The following ERG variants were observed in gnomAD, a reference collection of about 807,000 sequenced individuals.
The protein encoded by ERG is ETS transcription factor ERG.
ERG carries 9 observed loss-of-function variants against 55.3 expected under a neutral mutation model. The observed-to-expected ratio is 0.16, with a 90% CI of 0.10 to 0.28. The LOEUF (loss-of-function observed/expected upper bound fraction) is 0.28. Ranked by LOEUF, ERG falls within the 10% of genes least tolerant of loss-of-function variation. The probability of loss-of-function intolerance (pLI) is 1.00; values close to 1 mark genes in which losing one functional copy is unlikely to be tolerated. For synonymous variants in ERG, 223 were observed against 237.3 expected (o/e 0.94, Z 0.55); for missense variants, 434 against 631.6 (o/e 0.69, Z 3.35).
chr21:38,612,821 G>T (rs1303644701), intron 1 of ERG, among the ~76,000 whole-genome samples: 1 of 152,030 alleles, frequency 6.6e-6, no homozygotes, highest in Non-Finnish European at 1.5e-5. Context: ...CTGCCACCAT[G>T]CCTGGCTAAT....
intron 1 of ERG, among the ~76,000 whole-genome samples, chr21:38,646,279 TAA>T (rs397969203): frequency 1.6e-4 from 18 of 110,278 alleles, no homozygotes; most frequent in Admixed American, 2.8e-4. Flanking sequence ...AGTCTCTGTC[TAA>T]AAAAAAAAAA....
chr21:38,381,203 T>G lies in ERG; in HGVS notation c.*2200A>C. On this transcript the variant is annotated 3_prime_UTR_variant, in exon 10 of 10. Transcript: ENST00000288319. ...CTTCACATAATCATAGCAAAAGGACTGCAACGTGAAAAAAACAGGCCCTGA... is the reference window on the plus strand; with the variant it reads ...CTTCACATAATCATAGCAAAAGGACGGCAACGTGAAAAAAACAGGCCCTGA... 2 of 1,065,196 alleles carry G rather than the reference T, an allele frequency of 1.9e-6. No individual in the cohort carries two copies. Among genetic ancestry groups the G allele is most frequent in the South Asian group, 4.6e-5 (1 of 21,978 alleles). 66.0% of individuals were successfully genotyped at this position (1,065,196 alleles called of 1,614,324 possible). A position where few individuals can be genotyped will look rare whatever the true frequency, so the allele number is the denominator to read the frequency against.
chr21:38,478,777 C>A (rs529185601), intron 1 of ERG, among the ~76,000 whole-genome samples: 1 of 152,204 alleles, frequency 6.6e-6, no homozygotes, highest in African/African-American at 2.4e-5. Flanking sequence ...GTATAGGATG[C>A]CGTTTTATGA....
At chr21:38,622,757 CCA>C (rs1462939656) in intron 1 of ERG, among the ~76,000 whole-genome samples, 2 of 148,846 alleles carry the variant, frequency 1.3e-5, no homozygotes, top group East Asian at 2.0e-4. Context: ...CTCATACATA[CCA>C]CACACACCAC....
At chr21:38,546,126 G>T (rs908158991) in intron 2 of ERG, among the ~76,000 whole-genome samples, 1 of 152,072 alleles carries the variant, frequency 6.6e-6, no homozygotes, top group African/African-American at 2.4e-5. Context: ...TCATTGCCCT[G>T]GTCCATCTCC....
At chr21:38,468,902 G>A (rs3787901) in intron 1 of ERG, among the ~76,000 whole-genome samples, 2,703 of 149,534 alleles carry the variant, frequency 0.018, 38 homozygotes, top group East Asian at 0.077. Context: ...GGAGAATAGC[G>A]TGAACCCGGG....
intron 2 of ERG, among the ~76,000 whole-genome samples, chr21:38,429,971 C>T (rs1990130976): frequency 6.6e-6 from 1 of 152,150 alleles, no homozygotes; most frequent in Non-Finnish European, 1.5e-5. Flanking sequence ...GTACTAGTTC[C>T]ATAGTGGTTG....
upstream of ERG, among the ~76,000 whole-genome samples, chr21:38,585,532 C>CTTT (rs760791568): frequency 6.1e-4 from 36 of 59,278 alleles, 3 homozygotes; most frequent in East Asian, 1.3e-3. Flanking sequence ...TCTCTCTCTT[C>CTTT]TTTTTTTTTT....
intron 2 of ERG, among the ~76,000 whole-genome samples, chr21:38,516,517 A>C (rs2059553064): frequency 6.6e-6 from 1 of 152,094 alleles, no homozygotes; most frequent in African/African-American, 2.4e-5. Flanking sequence ...AAGAACTAAT[A>C]TCATTAAAAT....
intron 1 of ERG, among the ~76,000 whole-genome samples, chr21:38,649,258 C>T (rs1462148290): frequency 6.6e-6 from 1 of 152,192 alleles, no homozygotes; most frequent in African/African-American, 2.4e-5. Context: ...GGGCTTCTGT[C>T]TCCCCTGTGG....
chr21:38,653,806 TCTCATTTAATAGATG>T (rs1454187636), intron 1 of ERG, among the ~76,000 whole-genome samples: 3 of 152,244 alleles, frequency 2.0e-5, no homozygotes, highest in Non-Finnish European at 4.4e-5. Context: ...GGGACAGTGC[TCTCATTTAATAGATG>T]CTCAATATAT....
intron 1 of ERG, among the ~76,000 whole-genome samples, chr21:38,619,753 T>C (rs1357163306): frequency 1.3e-5 from 2 of 152,254 alleles, no homozygotes; most frequent in Non-Finnish European, 2.9e-5. Context: ...TATGGCATTG[T>C]GGCTTAATGT....
intron 2 of ERG, among the ~76,000 whole-genome samples, chr21:38,574,569 C>T (rs545778915): frequency 1.3e-5 from 2 of 152,230 alleles, no homozygotes; most frequent in Non-Finnish European, 2.9e-5. Flanking sequence ...GTGAGCTGCA[C>T]ATGGTCCAGA....
chr21:38,409,070 TTATGCATATGGCTA>T (rs1199498243), intron 3 of ERG, among the ~76,000 whole-genome samples: 1 of 152,196 alleles, frequency 6.6e-6, no homozygotes, highest in Non-Finnish European at 1.5e-5. Context: ...TCATTAAGCA[TTATGCATATGGCTA>T]TATGCACCAG....
At chr21:38,489,896 C>T (rs758337834) in intron 1 of ERG, among the ~76,000 whole-genome samples, 3 of 152,200 alleles carry the variant, frequency 2.0e-5, no homozygotes, top group Non-Finnish European at 4.4e-5. Context: ...CCCTCATCAT[C>T]CTTGTTGTCT....
At chr21:38,388,579 G>C (rs1987818816) in intron 9 of ERG, among the ~76,000 whole-genome samples, 1 of 152,134 alleles carries the variant, frequency 6.6e-6, no homozygotes. Context: ...TGGTTTCAGG[G>C]GAAAAGTTCA....
Position 38,383,015 on chromosome 21 carries a change from A to C in ERG, c.*388T>G. ...ATTATAAACGGTATGTTAGGTCAAA[A>C]CTGTGTTGTTTCTATTGCTTTAGTT... is the stretch of plus-strand genomic sequence containing the variant. On this transcript the variant is annotated 3_prime_UTR_variant, in exon 10 of 10. Coordinates refer to ENST00000288319, the MANE Select transcript of ERG (RefSeq NM_182918.4). This position sits in a 1 kb window ranked among gnomAD's most constrained non-coding sequence, Gnocchi z 5.7. The C allele has an allele frequency of 9.3e-7, 1 of 1,078,194 alleles. No individual in the cohort carries two copies. 66.8% of individuals were successfully genotyped at this position (1,078,194 alleles called of 1,614,324 possible).
intron 3 of ERG, among the ~76,000 whole-genome samples, chr21:38,406,551 AC>A (rs1282266606): frequency 6.6e-6 from 1 of 151,832 alleles, no homozygotes; most frequent in Non-Finnish European, 1.5e-5. Flanking sequence ...CAGAGAGAAG[AC>A]CCCCCATCCT....
At chr21:38,558,307 C>G (rs1285161098) in intron 2 of ERG, among the ~76,000 whole-genome samples, 3 of 152,188 alleles carry the variant, frequency 2.0e-5, no homozygotes, top group African/African-American at 7.2e-5. Flanking sequence ...CAGGTCAACA[C>G]TGGGGTTAGC....
Sources: gnomAD v4.1 joint callset for allele counts (sites outside exome capture counted in the v4.1 genomes callset) on GRCh38, gnomAD v4.1.1 for gene constraint, Gnocchi (gnomAD v3.1) non-coding constraint, MANE v1.5 for transcripts, NCBI Gene and HGNC (gene_info 2026-07-23, HGNC 2026-07-21) for gene names.